The following GLS variants were observed in gnomAD, a reference collection of about 807,000 sequenced individuals.
GLS encodes glutaminase kidney isoform, mitochondrial.
Under a neutral mutation model 86.7 loss-of-function variants are expected in GLS, and 36 were observed. The observed-to-expected ratio is 0.42, with a 90% CI of 0.32 to 0.55. GLS has a LOEUF of 0.55. GLS is among the 20% of genes least tolerant of loss of function. The pLI is 0.17. For missense variants in GLS, 528 were observed against 833.4 expected, an observed-to-expected ratio of 0.63 and a Z score of 4.51; for synonymous variants, 317 against 305.9, an observed-to-expected ratio of 1.04 and a Z score of -0.38.
Position 190,935,311 on chromosome 2 carries a change from G to A in GLS, c.1650+3674G>A, listed in dbSNP as rs955553877. 2.5e-6 allele frequency: 1 copy of A among 403,940 alleles called. No individual in the cohort carries two copies. 25.0% of individuals were successfully genotyped at this position (403,940 alleles called of 1,614,324 possible). ...CTGATTTTATTGTTTTTTTTGTTTT[G>A]TTTTGTTTTGTTTTTATAAAAGCAA... On this transcript the variant is annotated intron_variant, in intron 14 of 17. Coordinates refer to ENST00000320717, the MANE Select transcript of GLS (RefSeq NM_014905.5). The surrounding 1 kb of genome is among the most constrained non-coding windows in gnomAD (Gnocchi z 4.2).
intron 12 of GLS, among the ~76,000 whole-genome samples, chr2:190,927,928 A>G (rs897765753): frequency 6.6e-6 from 1 of 152,134 alleles, no homozygotes; most frequent in Non-Finnish European, 1.5e-5. Context: ...TCTGTTGTGC[A>G]TTTGCCACTT....
chr2:190,942,346 C>G (rs1343471042), intron 14 of GLS, among the ~76,000 whole-genome samples: 2 of 151,934 alleles, frequency 1.3e-5, no homozygotes, highest in Non-Finnish European at 2.9e-5. Flanking sequence ...TCCCAAAATG[C>G]TGGGATTACA....
chr2:190,891,650 G>GTAA (rs1390776952), intron 1 of GLS, among the ~76,000 whole-genome samples: 4 of 152,062 alleles, frequency 2.6e-5, no homozygotes, highest in Admixed American at 2.6e-4. Flanking sequence ...GGTCAGTGGG[G>GTAA]TAAGCAAAGA....
At chr2:190,958,520 AT>A (rs1200955808) in intron 17 of GLS, among the ~76,000 whole-genome samples, 3 of 152,076 alleles carry the variant, frequency 2.0e-5, no homozygotes, top group Non-Finnish European at 4.4e-5. Flanking sequence ...TAGGGTGTCA[AT>A]TTTAGACCTT....
At chr2:190,922,675 T>C (rs533461520) in intron 9 of GLS, among the ~76,000 whole-genome samples, 2 of 152,244 alleles carry the variant, frequency 1.3e-5, no homozygotes, top group African/African-American at 2.4e-5. Flanking sequence ...GCTGACTAGT[T>C]AGTCATTTAT....
At position 190,924,491 on chromosome 2, in the gene GLS, T is replaced by TA; in HGVS notation, c.1198-51dup. ...GAAATTTTTCATATATTTCTCTACTTATGTGCATTCCTGTGTGCCTGAATT... is the reference window on the plus strand; with the variant it reads ...GAAATTTTTCATATATTTCTCTACTTAATGTGCATTCCTGTGTGCCTGAATT... On this transcript the variant is annotated intron_variant, in intron 10 of 17. Transcript: ENST00000320717. This position sits in a 1 kb window ranked among gnomAD's most constrained non-coding sequence, Gnocchi z 5.2. 1 of 898,926 alleles carries TA rather than the reference T, an allele frequency of 1.1e-6. No individual in the cohort carries two copies. Among genetic ancestry groups the TA allele is most frequent in the Admixed American group, 1.7e-5 (1 of 58,246 alleles). 55.7% of individuals were successfully genotyped at this position (898,926 alleles called of 1,614,324 possible). A position where few individuals can be genotyped will look rare whatever the true frequency, so the allele number is the denominator to read the frequency against.
intron 14 of GLS, among the ~76,000 whole-genome samples, chr2:190,944,341 T>C (rs1309802997): frequency 6.6e-6 from 1 of 152,196 alleles, no homozygotes; most frequent in Non-Finnish European, 1.5e-5. Flanking sequence ...TGTGGAACCT[T>C]GTCCTCTATC....
chr2:190,927,274 A>T, intron 11 of GLS, 32 bp from the exon 12 acceptor site: 4 of 1,512,450 alleles, frequency 2.6e-6, no homozygotes, highest in Non-Finnish European at 3.6e-6. Context: ...TATTAAAAGT[A>T]GTATGAGAAT....
rs1398192717 is a variant in GLS at position 190,880,915 on chromosome 2, G to GCAGCAGCAC, written c.-165_-164insGCACCAGCA. 1.8e-3 allele frequency: 1,645 copies of GCAGCAGCAC among 917,018 alleles called. 108 individuals carry two copies. The highest frequency in any genetic ancestry group is 2.1e-3 in the Non-Finnish European group (1,257 of 607,590). The allele number at this position is 917,018 out of a possible 1,614,324, so 56.8% of individuals were successfully genotyped here. A position where few individuals can be genotyped will look rare whatever the true frequency, so the allele number is the denominator to read the frequency against. On this transcript the variant is annotated 5_prime_UTR_variant, in exon 1 of 18. Coordinates refer to ENST00000320717, the MANE Select transcript of GLS (RefSeq NM_014905.5). ...AGCAGCAGCAGCAGCAGCAGCAGCA[G>GCAGCAGCAC]CAGCACCCGCATCCGCTGCGGGAGT... is the stretch of plus-strand genomic sequence containing the variant.
chr2:190,943,017 G>A lies in GLS; in HGVS notation c.1651-10548G>A, dbSNP rs1690486033. On this transcript the variant is annotated intron_variant, in intron 14 of 17. Coordinates refer to ENST00000320717, the MANE Select transcript of GLS (RefSeq NM_014905.5). The surrounding 1 kb of genome is among the most constrained non-coding windows in gnomAD (Gnocchi z 4.5). Reference sequence around the variant, plus strand: ...AGAGTGATATCTAAATCTAAAGAAAGAAGCTTTACTGGAAACTCACCTGAC... The same window carrying A: ...AGAGTGATATCTAAATCTAAAGAAAAAAGCTTTACTGGAAACTCACCTGAC... Among the ~76,000 whole-genome samples the A allele has an allele frequency of 6.6e-6, 1 of 152,168 alleles. No individual in the cohort carries two copies. Among genetic ancestry groups the A allele is most frequent in the Non-Finnish European group, 1.5e-5 (1 of 68,034 alleles).
chr2:190,922,709 T>A (rs1465783813), intron 9 of GLS, among the ~76,000 whole-genome samples: 1 of 152,138 alleles, frequency 6.6e-6, no homozygotes, highest in Non-Finnish European at 1.5e-5. Context: ...ATGTTTTTTT[T>A]AAAAGTACGG....
intron 9 of GLS, among the ~76,000 whole-genome samples, chr2:190,923,305 CTTTG>C (rs955832278): frequency 1.3e-5 from 2 of 152,242 alleles, no homozygotes; most frequent in Admixed American, 6.5e-5. Flanking sequence ...TCCCAGTCTC[CTTTG>C]TTTGTTTGAT....
At chr2:190,910,147 GAAAA>G in intron 6 of GLS, 112 bp from the exon 7 acceptor site, 1 of 629,736 alleles carries the variant, frequency 1.6e-6, no homozygotes, top group South Asian at 2.2e-5. Flanking sequence ...AAAGCACTAA[GAAAA>G]AAGCAAAATT....
In GLS at chr2:190,880,914, A is replaced by AGCACCCGCATCC. The variant is rs1688124769; in HGVS notation, c.-168_-167insCCCGCATCCGCA. ...CAGCAGCAGCAGCAGCAGCAGCAGC[A>AGCACCCGCATCC]GCAGCACCCGCATCCGCTGCGGGAG... On this transcript the variant is annotated 5_prime_UTR_variant, in exon 1 of 18. Coordinates refer to ENST00000320717, the MANE Select transcript of GLS (RefSeq NM_014905.5). The AGCACCCGCATCC allele has an allele frequency of 4.3e-6, 4 of 938,330 alleles. No individual in the cohort carries two copies. The highest frequency in any genetic ancestry group is 6.4e-6 in the Non-Finnish European group (4 of 622,658). The allele number at this position is 938,330 out of a possible 1,614,324, so 58.1% of individuals were successfully genotyped here. A position where few individuals can be genotyped will look rare whatever the true frequency, so the allele number is the denominator to read the frequency against.
In GLS at chr2:190,962,352, C is replaced by G. The variant is rs1366183634; in HGVS notation, c.1854-478C>G. 2.6e-5 allele frequency among the ~76,000 whole-genome samples: 4 copies of G among 152,174 alleles called. No homozygotes were observed. Among genetic ancestry groups the G allele is most frequent in the Admixed American group, 6.6e-5 (1 of 15,266 alleles). ...CAGTGTGTTTTAGCCCTAATGAGGT[C>G]ATGGTTATTTCTAGACTTCTGAGAC... On this transcript the variant is annotated intron_variant, in intron 17 of 17. Transcript: ENST00000320717. The surrounding 1 kb of genome is among the most constrained non-coding windows in gnomAD (Gnocchi z 4.2).
chr2:190,881,400 A>G lies in GLS; in HGVS notation c.316A>G (p.Lys106Glu). The part of the protein sequence containing the change: ...PPAAPAAPGP[K>E]DGPGETDAFG... Reference sequence around the variant, plus strand: ...CGCTGCCCCGGCGGCGCCCGGCCCCAAGGACGGCCCCGGGGAGACGGACGC... The same window carrying G: ...CGCTGCCCCGGCGGCGCCCGGCCCCGAGGACGGCCCCGGGGAGACGGACGC... Residue 106 changes from lysine to glutamate, a missense_variant, in exon 1 of 18, where the codon AAG becomes GAG. This residue lies in a region of GLS where 224 missense variants were observed against 187.9 expected (regional missense o/e 1.19). Transcript: ENST00000320717. The G allele has an allele frequency of 6.5e-7, 1 of 1,542,234 alleles. No individual in the cohort carries two copies. Among genetic ancestry groups the G allele is most frequent in the African/African-American group, 1.4e-5 (1 of 72,014 alleles).
At chr2:190,931,316 G>A (rs1690099102) in intron 13 of GLS, among the ~76,000 whole-genome samples, 1 of 152,110 alleles carries the variant, frequency 6.6e-6, no homozygotes, top group Non-Finnish European at 1.5e-5. Context: ...GAAGATGAAA[G>A]ATGATTTGAT....
chr2:190,932,939 ATATT>A (rs1690155082), intron 14 of GLS: 1 of 1,326,782 alleles, frequency 7.5e-7, no homozygotes, highest in Non-Finnish European at 9.7e-7. Flanking sequence ...CAAGTTATAA[ATATT>A]TATTTGAGGT....
At position 190,921,355 on chromosome 2, in the gene GLS, A is replaced by G; in HGVS notation, c.1130+152A>G. 1.6e-6 allele frequency: 1 copy of G among 639,646 alleles called. No individual in the cohort carries two copies. Among genetic ancestry groups the G allele is most frequent in the Non-Finnish European group, 2.8e-6 (1 of 363,262 alleles). The allele number at this position is 639,646 out of a possible 1,614,324, so 39.6% of individuals were successfully genotyped here. ...TTTAAATAGTTTTGACAAATTTCTT[A>G]CAGGTAATCATACAATCAGAAGAGA... On this transcript the variant is annotated intron_variant, in intron 9 of 17. Coordinates refer to ENST00000320717, the MANE Select transcript of GLS (RefSeq NM_014905.5). The surrounding 1 kb of genome is among the most constrained non-coding windows in gnomAD (Gnocchi z 4.2).
Sources: allele counts gnomAD v4.1 joint callset (sites outside exome capture counted in the v4.1 genomes callset), GRCh38; gene constraint gnomAD v4.1.1; regional missense constraint gnomAD v4.1.1; non-coding constraint Gnocchi (gnomAD v3.1); transcripts MANE v1.5; gene names NCBI Gene and HGNC (gene_info 2026-07-23, HGNC 2026-07-21).